PRKDC: variants seen among roughly 807,000 people sequenced by gnomAD.
PRKDC encodes the protein protein kinase, DNA-activated, catalytic subunit, also known as DNA-dependent protein kinase catalytic subunit.
Under a neutral mutation model 486.9 loss-of-function variants are expected in PRKDC, and 82 were observed. The ratio of observed to expected loss-of-function variants is 0.17; its 90% CI spans 0.14 to 0.20. PRKDC has a LOEUF of 0.20. Ranked by LOEUF, PRKDC falls within the 10% of genes least tolerant of loss-of-function variation. The pLI, the probability that PRKDC is intolerant of heterozygous loss-of-function variation, is 1.00. For missense variants in PRKDC, 4,504 were observed against 5,038.2 expected (o/e 0.89, Z 3.21); for synonymous variants, 1,895 against 1,837.0 (o/e 1.03, Z -0.81).
At chr8:47,933,819 C>A (rs1432130129) in intron 15 of PRKDC, 146 bp downstream of exon 15, 1 of 828,040 alleles carries the variant, frequency 1.2e-6, no homozygotes. Flanking sequence ...CTGATTCATA[C>A]GGTTTTAATT....
At position 47,774,516 on chromosome 8, in the gene PRKDC, A is replaced by T; in HGVS notation, c.12183-139T>A. 7.3e-6 allele frequency: 6 copies of T among 823,012 alleles called. No homozygotes were observed. The South Asian group carries it at 7.4e-5, about 10-fold the overall frequency. The allele number at this position is 823,012 out of a possible 1,614,324, so 51.0% of individuals were successfully genotyped here. A position where few individuals can be genotyped will look rare whatever the true frequency, so the allele number is the denominator to read the frequency against. On this transcript the variant is annotated intron_variant, in intron 85 of 85. Transcript: ENST00000314191. ...TTCTGTGGCTTATAACCTTGAAGTC[A>T]AAGACTGGATTTGTAGGAAAACAGA...
At chr8:47,948,803 T>C (rs1030207246) in intron 7 of PRKDC, among the ~76,000 whole-genome samples, 2 of 152,174 alleles carry the variant, frequency 1.3e-5, no homozygotes, top group African/African-American at 4.8e-5. Context: ...TAGTATTTAG[T>C]GCTTGAAGTC....
At chr8:47,822,788 A>G (rs973123137) in intron 64 of PRKDC, among the ~76,000 whole-genome samples, 1 of 151,954 alleles carries the variant, frequency 6.6e-6, no homozygotes, top group African/African-American at 2.4e-5. Context: ...AGACTCTCAA[A>G]AACAAACAAA....
chr8:47,778,355 C>T, intron 83 of PRKDC, 104 bp downstream of exon 83: 1 of 1,240,560 alleles, frequency 8.1e-7, no homozygotes, highest in Non-Finnish European at 1.1e-6. Flanking sequence ...ACGAATCTAA[C>T]TAATATGTTG....
chr8:47,822,783 C>G (rs1411914122), intron 64 of PRKDC, among the ~76,000 whole-genome samples: 3 of 152,058 alleles, frequency 2.0e-5, no homozygotes, highest in African/African-American at 7.2e-5. Context: ...GAGTGAGACT[C>G]TCAAAAACAA....
chr8:47,774,432 C>T (rs890184488), intron 85 of PRKDC, 55 bp from the exon 86 acceptor site: 2 of 1,522,556 alleles, frequency 1.3e-6, no homozygotes, highest in African/African-American at 2.7e-5. Flanking sequence ...TCCTTTGTTG[C>T]CTGCATCCCT....
At chr8:47,886,883 T>C (rs567922177) in intron 35 of PRKDC, among the ~76,000 whole-genome samples, 1 of 152,266 alleles carries the variant, frequency 6.6e-6, no homozygotes, top group East Asian at 1.9e-4. Context: ...AGAAACAGGG[T>C]CTCGCTATGT....
In PRKDC at chr8:47,798,341, T is replaced by G; in HGVS notation, c.10354A>C (p.Lys3452Gln). Reference sequence around the variant, plus strand: ...TCATTGGAATTTAATTTTAAAGCTTTCAACATTTTCTCCACCACAAGTGCT... The same window carrying G: ...TCATTGGAATTTAATTTTAAAGCTTGCAACATTTTCTCCACCACAAGTGCT... Reference protein sequence around the residue: ...YPALVVEKMLKALKLNSNEAR... With the variant: ...YPALVVEKMLQALKLNSNEAR... Residue 3452 changes from lysine (K) to glutamine (Q), a missense_variant, in exon 73 of 86, where the codon AAA becomes CAA. By Grantham distance (53) the Lys-to-Gln change is moderately conservative. Transcript: ENST00000314191. 1 of 1,612,580 alleles carries G rather than the reference T, an allele frequency of 6.2e-7. No individual in the cohort carries two copies. The highest frequency in any genetic ancestry group is 1.3e-5 in the African/African-American group (1 of 75,010).
intron 7 of PRKDC, among the ~76,000 whole-genome samples, chr8:47,945,031 G>T (rs1195028593): frequency 2.0e-5 from 3 of 152,204 alleles, no homozygotes; most frequent in African/African-American, 7.2e-5. Flanking sequence ...GAAAGAATAG[G>T]TACTAGTTGG....
In PRKDC at chr8:47,935,038, T is replaced by C. The variant is rs2090324606; in HGVS notation, c.1468A>G (p.Ile490Val). ...GGAAGGACCACTGGTTTAGAACATA[T>C]TCTGATTAAACCCTGATGCACTGAA... Reference protein sequence around the residue: ...STVVHQGLIRICSKPVVLPKG... With the variant: ...STVVHQGLIRVCSKPVVLPKG... Residue 490 changes from isoleucine to valine, a missense_variant, in exon 14 of 86, where the codon ATA becomes GTA. By Grantham distance (29) the Ile-to-Val change is conservative (BLOSUM62 3). Transcript: ENST00000314191. 2.6e-6 allele frequency: 4 copies of C among 1,525,372 alleles called. No homozygotes were observed. Among genetic ancestry groups the C allele is most frequent in the Non-Finnish European group, 3.5e-6 (4 of 1,128,638 alleles). The allele number at this position is 1,525,372 out of a possible 1,614,324, so 94.5% of individuals were successfully genotyped here.
At chr8:47,923,331 G>A (rs148770358) in intron 21 of PRKDC, among the ~76,000 whole-genome samples, 348 of 152,214 alleles carry the variant, frequency 2.3e-3, no homozygotes, top group African/African-American at 7.6e-3. Context: ...GATTACAGGC[G>A]TGAGCCACTG....
intron 74 of PRKDC, among the ~76,000 whole-genome samples, chr8:47,792,601 G>T (rs1470733722): frequency 6.6e-6 from 1 of 152,050 alleles, no homozygotes; most frequent in Non-Finnish European, 1.5e-5. Context: ...ATAACTAAAA[G>T]AGTATAACTG....
intron 66 of PRKDC, among the ~76,000 whole-genome samples, chr8:47,819,807 T>C (rs1292911475): frequency 1.3e-5 from 2 of 152,326 alleles, no homozygotes; most frequent in East Asian, 3.9e-4. Flanking sequence ...CATCCTATAA[T>C]GTAAAACTGC....
chr8:47,933,396 T>C (rs954595517), intron 15 of PRKDC, among the ~76,000 whole-genome samples: 6 of 152,218 alleles, frequency 3.9e-5, no homozygotes, highest in African/African-American at 1.2e-4. Flanking sequence ...TCCAGTCATG[T>C]AACAAATACT....
intron 1 of PRKDC, among the ~76,000 whole-genome samples, chr8:47,958,864 T>C (rs894348935): frequency 6.6e-6 from 1 of 151,464 alleles, no homozygotes; most frequent in African/African-American, 2.4e-5. Context: ...GCCTCCCGAA[T>C]AGCTGGGACT....
chr8:47,909,079 C>G (rs564979586), intron 25 of PRKDC, among the ~76,000 whole-genome samples: 3 of 152,308 alleles, frequency 2.0e-5, no homozygotes, highest in Admixed American at 6.5e-5. Flanking sequence ...TCATCTCCCC[C>G]CAGCCCCCAG....
intron 54 of PRKDC, among the ~76,000 whole-genome samples, chr8:47,841,403 CCTAT>C (rs904603858): frequency 6.6e-6 from 1 of 152,154 alleles, no homozygotes; most frequent in Admixed American, 6.5e-5. Flanking sequence ...GATCTACACG[CCTAT>C]CTGTCAACTT....
Position 47,913,208 on chromosome 8 carries a change from T to C in PRKDC, c.2782-646A>G, listed in dbSNP as rs1040301955. On this transcript the variant is annotated intron_variant, in intron 24 of 85. Transcript: ENST00000314191. ...TTGCTACACTGAGATATTAACTTTA[T>C]TGCTTTGGTCTGGAGCTGAACCTGC... 4.6e-5 allele frequency among the ~76,000 whole-genome samples: 7 copies of C among 152,240 alleles called. No homozygotes were observed. In the East Asian group the frequency reaches 9.6e-4, roughly 21 times the overall value.
At chr8:47,943,920 A>G (rs56155417) in intron 8 of PRKDC, 37 bp from the exon 9 acceptor site, 2 of 1,572,630 alleles carry the variant, frequency 1.3e-6, no homozygotes, top group Non-Finnish European at 1.7e-6. Flanking sequence ...TCAGTATTTG[A>G]AAGTCTGCAC....
Sources: allele counts gnomAD v4.1 joint callset (sites outside exome capture counted in the v4.1 genomes callset), GRCh38; gene constraint gnomAD v4.1.1; transcripts MANE v1.5; gene names NCBI Gene and HGNC (gene_info 2026-07-23, HGNC 2026-07-21).